The following UBN2 variants were observed in gnomAD, a reference collection of about 807,000 sequenced individuals.
UBN2 encodes the protein ubinuclein-2.
A neutral mutation model predicts 120.2 loss-of-function variants in UBN2; 35 were observed. The ratio of observed to expected loss-of-function variants is 0.29; its 90% confidence interval spans 0.22 to 0.39. The LOEUF (loss-of-function observed/expected upper bound fraction) is 0.39, where lower values mean the gene tolerates loss of function less well. UBN2 is among the 10% of genes least tolerant of loss of function. The pLI is 1.00. For missense variants in UBN2, 1,693 were observed against 1,663.2 expected (o/e 1.02, Z -0.31); for synonymous variants, 661 against 648.7 (o/e 1.02, Z -0.29).
intron 6 of UBN2, 81 bp downstream of exon 6, chr7:139,261,822 CA>C (rs1796944902): frequency 7.2e-7 from 1 of 1,381,088 alleles, no homozygotes. Flanking sequence ...TTTTATTTTC[CA>C]CATAACACTG....
At chr7:139,295,335 G>A (rs1423996270) in intron 17 of UBN2, among the ~76,000 whole-genome samples, 1 of 152,120 alleles carries the variant, frequency 6.6e-6, no homozygotes, top group Admixed American at 6.6e-5. Flanking sequence ...CCTGAACTCT[G>A]ACTAGTTTAA....
intron 10 of UBN2, 78 bp from the exon 11 acceptor site, chr7:139,273,853 T>C (rs1797361851): frequency 2.4e-6 from 3 of 1,267,612 alleles, no homozygotes; most frequent in Non-Finnish European, 3.2e-6. Flanking sequence ...TTCTGAATTT[T>C]TCACATAATC....
chr7:139,292,151 G>A (rs1797976448), intron 15 of UBN2, among the ~76,000 whole-genome samples: 1 of 152,146 alleles, frequency 6.6e-6, no homozygotes, highest in African/African-American at 2.4e-5. Context: ...CTACTCGGGA[G>A]GCTGAGGTGA....
Position 139,303,760 on chromosome 7 carries a change from A to T in UBN2, c.*5924A>T, listed in dbSNP as rs895555965. The T allele has an allele frequency of 4.6e-5, 7 of 152,182 alleles. No individual in the cohort carries two copies. Among genetic ancestry groups the T allele is most frequent in the Non-Finnish European group, 7.3e-5 (5 of 68,030 alleles). The allele number at this position is 152,182 out of a possible 1,614,324, so 9.4% of individuals were successfully genotyped here. On this transcript the variant is annotated 3_prime_UTR_variant, in exon 18 of 18. Coordinates refer to ENST00000473989, the MANE Select transcript of UBN2 (RefSeq NM_173569.4). ...AAAGCACCCTATGGTTTTTAAATTT[A>T]AAAAAATCACTGGAATTTTAATTTA...
intron 8 of UBN2, among the ~76,000 whole-genome samples, chr7:139,270,514 C>T (rs1424544398): frequency 6.6e-6 from 1 of 152,106 alleles, no homozygotes; most frequent in Non-Finnish European, 1.5e-5. Flanking sequence ...GGTGATCCGC[C>T]CAGCTTGGCC....
intron 17 of UBN2, among the ~76,000 whole-genome samples, chr7:139,295,506 A>G (rs117725168): frequency 4.6e-5 from 7 of 152,346 alleles, no homozygotes; most frequent in East Asian, 1.9e-4. Flanking sequence ...TTGTGGCTCA[A>G]AAAGACCCCA....
Position 139,301,159 on chromosome 7 carries a change from G to A in UBN2, c.*3323G>A, listed in dbSNP as rs1314563997. 1 of 152,082 alleles carries A rather than the reference G, an allele frequency of 6.6e-6. No individual in the cohort carries two copies. The highest frequency in any genetic ancestry group is 1.5e-5 in the Non-Finnish European group (1 of 68,028). The allele number at this position is 152,082 out of a possible 1,614,324, so 9.4% of individuals were successfully genotyped here. A position where few individuals can be genotyped will look rare whatever the true frequency, so the allele number is the denominator to read the frequency against. ...TCATGGACATTGAATAGGGTTTATTGAATCAGGAAGGTAAGGGGAAGAACC... is the reference window on the plus strand; with the variant it reads ...TCATGGACATTGAATAGGGTTTATTAAATCAGGAAGGTAAGGGGAAGAACC... On this transcript the variant is annotated 3_prime_UTR_variant, in exon 18 of 18. Coordinates refer to ENST00000473989, the MANE Select transcript of UBN2 (RefSeq NM_173569.4).
intron 15 of UBN2, among the ~76,000 whole-genome samples, chr7:139,285,989 T>C (rs1797776327): frequency 6.6e-6 from 1 of 152,130 alleles, no homozygotes; most frequent in African/African-American, 2.4e-5. Context: ...TGCAATGACA[T>C]GATCTCGGCT....
rs1228951980 is a variant in UBN2 at position 139,252,040 on chromosome 7, A to G, written c.646A>G (p.Ile216Val). The G allele has an allele frequency of 1.2e-6, 2 of 1,614,068 alleles. No homozygotes were observed. Among genetic ancestry groups the G allele is most frequent in the Admixed American group, 1.7e-5 (1 of 60,026 alleles). ...GFGYDETDPF[I>V]DNSEAYDELV... ...TGGCTATGATGAGACAGATCCATTT[A>G]TTGATAACTCAGAGGCTGTGAGTAA... The change falls in exon 3 of 18, where the codon ATT (isoleucine) becomes GTT (valine). Residue 216 changes from isoleucine (I) to valine (V), a missense_variant. Ile to Val is a conservative substitution (Grantham distance 29). Coordinates refer to ENST00000473989, the MANE Select transcript of UBN2 (RefSeq NM_173569.4).
intron 17 of UBN2, 36 bp downstream of exon 17, chr7:139,294,017 G>A (rs763029943): frequency 2.3e-5 from 36 of 1,587,416 alleles, no homozygotes; most frequent in Non-Finnish European, 2.9e-5. Context: ...TTTCTTATTT[G>A]TATAGGCTTA....
rs760074544 is a variant in UBN2, at chr7:139,241,592, CT to C, written c.561+4497del. 2.0e-5 allele frequency among the ~76,000 whole-genome samples: 3 copies of C among 152,234 alleles called. No homozygotes were observed. In the South Asian group the frequency reaches 6.2e-4, roughly 32 times the overall value. ...TAGTAGAAAAGTAATTCTGAGCAGT[CT>C]TATAAATAAAACAGTTGACCAAATG... On this transcript the variant is annotated intron_variant, in intron 2 of 17. Transcript: ENST00000473989.
At chr7:139,272,072 A>G (rs1015827171) in intron 8 of UBN2, among the ~76,000 whole-genome samples, 4 of 152,130 alleles carry the variant, frequency 2.6e-5, no homozygotes, top group African/African-American at 4.8e-5. Context: ...ATGGAACACT[A>G]TTAATAATTA....
intron 13 of UBN2, 132 bp downstream of exon 13, chr7:139,279,492 A>G (rs539078633): frequency 3.1e-6 from 2 of 640,108 alleles, no homozygotes; most frequent in Admixed American, 3.3e-5. Flanking sequence ...CAACTTCATA[A>G]TAATCTTAGT....
chr7:139,297,365 A>C (rs1798138571), intron 17 of UBN2, among the ~76,000 whole-genome samples: 1 of 151,890 alleles, frequency 6.6e-6, no homozygotes. Context: ...GTGTCCTGGC[A>C]AGAAATTTTA....
the UBN2 span, among the ~76,000 whole-genome samples, chr7:139,329,698 C>T: frequency 6.6e-6 from 1 of 151,878 alleles, no homozygotes; most frequent in South Asian, 2.1e-4. Flanking sequence ...TGCCTTGGAA[C>T]GTCTTGTCCC....
intron 6 of UBN2, among the ~76,000 whole-genome samples, chr7:139,262,374 A>G (rs1165580274): frequency 2.0e-5 from 3 of 152,164 alleles, no homozygotes; most frequent in Non-Finnish European, 4.4e-5. Context: ...TGCTGGGATT[A>G]CAGGTGTGAC....
chr7:139,290,666 A>C (rs927999551), intron 15 of UBN2, among the ~76,000 whole-genome samples: 5 of 152,226 alleles, frequency 3.3e-5, no homozygotes, highest in African/African-American at 1.2e-4. Flanking sequence ...TCAGATATGC[A>C]GGATGGAAAT....
intron 13 of UBN2, 66 bp downstream of exon 13, chr7:139,279,426 G>T: frequency 1.6e-6 from 2 of 1,288,754 alleles, no homozygotes; most frequent in South Asian, 1.2e-5. Context: ...TTCCTAAGAT[G>T]AAAAAGATGT....
intron 2 of UBN2, among the ~76,000 whole-genome samples, chr7:139,240,879 G>A (rs1796302346): frequency 6.6e-6 from 1 of 152,100 alleles, no homozygotes; most frequent in Non-Finnish European, 1.5e-5. Context: ...TACTAAATTG[G>A]TTGTTGTACA....
Sources: gnomAD v4.1 joint callset for allele counts (sites outside exome capture counted in the v4.1 genomes callset) on GRCh38, gnomAD v4.1.1 for gene constraint, MANE v1.5 for transcripts, NCBI Gene and HGNC (gene_info 2026-07-23, HGNC 2026-07-21) for gene names.